Variants in HTT observed in about 807,000 individuals in gnomAD.
HTT encodes huntington disease protein.
HTT carries 104 observed loss-of-function variants against 362.3 expected under a neutral mutation model. The ratio of observed to expected loss-of-function variants is 0.29; its 90% CI spans 0.24 to 0.34. The LOEUF (loss-of-function observed/expected upper bound fraction) is 0.34, where lower values mean the gene tolerates loss of function less well. Ranked by LOEUF, HTT falls within the 10% of genes least tolerant of loss-of-function variation. The pLI is 1.00. For missense variants in HTT, 3,301 were observed against 3,928.6 expected (o/e 0.84, Z 4.27); for synonymous variants, 1,577 against 1,548.7 (o/e 1.02, Z -0.43).
intron 12 of HTT, chr4:3,128,761 CTG>C (rs1715642669): frequency 6.6e-6 from 1 of 152,168 alleles, no homozygotes; most frequent in South Asian, 2.1e-4. Flanking sequence ...GTTTTAAAAA[CTG>C]TGGTTAAATA....
In HTT at chr4:3,178,460, C is replaced by T. The variant is rs566051090; in HGVS notation, c.4612+14C>T. On this transcript the variant is annotated intron_variant, in intron 35 of 66. Transcript: ENST00000355072. ...CTGTGACACATGGTAACGGGACACA[C>T]CTTTCACTGTCGTCTTCGGTGTCGT... The T allele has an allele frequency of 5.4e-5, 87 of 1,611,196 alleles. No individual in the cohort carries two copies. Among genetic ancestry groups the T allele is most frequent in the Non-Finnish European group, 7.1e-5 (84 of 1,178,662 alleles).
At chr4:3,171,734 C>T (rs1717985046) in intron 29 of HTT, among the ~76,000 whole-genome samples, 1 of 152,170 alleles carries the variant, frequency 6.6e-6, no homozygotes. Flanking sequence ...GCCTCGATCT[C>T]CCAAAATGCT....
In HTT at chr4:3,074,875, T is replaced by A. The variant is rs1578474811; in HGVS notation, c.50T>A (p.Phe17Tyr). The A allele has an allele frequency of 7.8e-7, 1 of 1,287,824 alleles. No individual in the cohort carries two copies. The highest frequency in any genetic ancestry group is 1.0e-6 in the Non-Finnish European group (1 of 962,594). 79.8% of individuals were successfully genotyped at this position (1,287,824 alleles called of 1,614,324 possible). A position where few individuals can be genotyped will look rare whatever the true frequency, so the allele number is the denominator to read the frequency against. Residue 17 changes from phenylalanine (F) to tyrosine (Y), a missense_variant, in exon 1 of 67, where the codon TTC becomes TAC. Phe to Tyr is a conservative substitution (Grantham distance 22). Around this residue, in one of 4 missense-constraint regions of HTT, gnomAD observed 12 missense variants for 30.3 expected, o/e 0.40. Transcript: ENST00000355072. ...AAGGCCTTCGAGTCCCTCAAGTCCT[T>A]CCAGCAGCAGCAGCAGCAGCAGCAG... Reference protein sequence around the residue: ...LMKAFESLKSFQQQQQQQQQQ... With the variant: ...LMKAFESLKSYQQQQQQQQQQ...
At chr4:3,114,921 A>G (rs2110171104) in intron 6 of HTT, among the ~76,000 whole-genome samples, 1 of 152,280 alleles carries the variant, frequency 6.6e-6, no homozygotes, top group African/African-American at 2.4e-5. Context: ...TCTACAAGCC[A>G]TCTCTTAGGG....
intron 41 of HTT, among the ~76,000 whole-genome samples, chr4:3,202,588 A>G (rs968303344): frequency 2.6e-5 from 4 of 152,030 alleles, no homozygotes; most frequent in Non-Finnish European, 5.9e-5. Context: ...CCCCAACCAC[A>G]TCAAGATATA....
chr4:3,158,025 C>G (rs951944342), intron 28 of HTT, among the ~76,000 whole-genome samples: 137 of 149,230 alleles, frequency 9.2e-4, no homozygotes, highest in Middle Eastern at 6.9e-3. Context: ...CAGAGTCTTG[C>G]TCTGTCCCCA....
Position 3,107,175 on chromosome 4 carries a change from T to C in HTT, c.609-110T>C, listed in dbSNP as rs1294945231. 12 of 1,100,412 alleles carry C rather than the reference T, an allele frequency of 1.1e-5. No homozygotes were observed. In the East Asian group the frequency reaches 2.9e-4, roughly 26 times the overall value. The allele number at this position is 1,100,412 out of a possible 1,614,324, so 68.2% of individuals were successfully genotyped here. A position where few individuals can be genotyped will look rare whatever the true frequency, so the allele number is the denominator to read the frequency against. ...TTTCAGCTGAGTTTTCCCCATCCCA[T>C]TAGGGACTGTTGGAATATAAAACTG... On this transcript the variant is annotated intron_variant, in intron 5 of 66. Transcript: ENST00000355072.
chr4:3,173,356 AC>A, intron 31 of HTT: 1 of 549,080 alleles, frequency 1.8e-6, no homozygotes, highest in Non-Finnish European at 3.3e-6. Flanking sequence ...CTTGGGACTT[AC>A]ACATCTCAGA....
intron 2 of HTT, among the ~76,000 whole-genome samples, chr4:3,099,035 C>T (rs556502295): frequency 1.2e-3 from 188 of 152,178 alleles, no homozygotes; most frequent in Middle Eastern, 6.8e-3. Context: ...TTCATATACC[C>T]TACATCCAGT....
intron 21 of HTT, 142 bp from the exon 22 acceptor site, chr4:3,140,368 A>G (rs1485696459): frequency 3.1e-6 from 2 of 649,840 alleles, no homozygotes; most frequent in African/African-American, 1.8e-5. Context: ...TGCTTGAAGA[A>G]CGCCACCTGA....
chr4:3,116,005 C>G (rs747300367), intron 7 of HTT, 80 bp from the exon 8 acceptor site: 16 of 1,297,806 alleles, frequency 1.2e-5, no homozygotes, highest in Admixed American at 1.8e-5. Flanking sequence ...CTCTCAGGAT[C>G]TCTTCTTTTT....
intron 40 of HTT, among the ~76,000 whole-genome samples, chr4:3,190,999 G>T (rs955974173): frequency 6.6e-5 from 10 of 152,178 alleles, no homozygotes; most frequent in Admixed American, 2.6e-4. Flanking sequence ...TTGTTCAGCA[G>T]TTGATCTGTT....
intron 29 of HTT, among the ~76,000 whole-genome samples, chr4:3,166,303 G>A (rs543787220): frequency 6.6e-6 from 1 of 152,242 alleles, no homozygotes; most frequent in African/African-American, 2.4e-5. Flanking sequence ...CCCAGAGCAC[G>A]AAGGTGTCTG....
Position 3,230,000 on chromosome 4 carries a change from C to G in HTT, c.8223C>G (p.Tyr2741Ter). ...CAGAAGACGAGATCCTCGCTCAGTA[C>G]CTGGTGCCTGCCACCTGCAAGGCAG... Reference protein sequence around the residue: ...HPSEDEILAQYLVPATCKAAA... With the variant: ...HPSEDEILAQ Residue 2741 changes from tyrosine (Y) to a stop codon, truncating the protein, a stop_gained, in exon 60 of 67, where the codon TAC becomes TAG. Coordinates refer to ENST00000355072, the MANE Select transcript of HTT (RefSeq NM_001388492.1). LOFTEE classifies it high-confidence loss of function. The G allele has an allele frequency of 6.2e-7, 1 of 1,614,060 alleles. No homozygotes were observed.
intron 2 of HTT, among the ~76,000 whole-genome samples, chr4:3,096,202 A>G (rs1713848396): frequency 6.6e-6 from 1 of 152,250 alleles, no homozygotes; most frequent in South Asian, 2.1e-4. Flanking sequence ...ATGTTTATGC[A>G]CCGGACTACA....
intron 1 of HTT, among the ~76,000 whole-genome samples, chr4:3,078,834 A>T (rs750692349): frequency 2.6e-5 from 4 of 151,184 alleles, no homozygotes; most frequent in South Asian, 2.1e-4. Context: ...TCCCGAGTTC[A>T]CGCCATTCTC....
In HTT at chr4:3,220,274, C is replaced by G; in HGVS notation, c.7335C>G (p.Val2445=). The change falls in exon 53 of 67, where the codon GTC becomes GTG. Residue 2445 remains valine (V), a synonymous_variant. Transcript: ENST00000355072. Reference sequence around the variant, plus strand: ...TGGAGTTCCTCCAGGAAAAGGAAGTCTTTAAGGAGTTCATCTACCGCATCA... The same window carrying G: ...TGGAGTTCCTCCAGGAAAAGGAAGTGTTTAAGGAGTTCATCTACCGCATCA... ...IPVEFLQEKE[V]FKEFIYRINT... is the part of the protein sequence containing the mutation. The G allele has an allele frequency of 6.2e-7, 1 of 1,614,142 alleles. No homozygotes were observed. Among genetic ancestry groups the G allele is most frequent in the Non-Finnish European group, 8.5e-7 (1 of 1,180,010 alleles).
chr4:3,099,442 G>GA (rs770002231), intron 3 of HTT, 48 bp downstream of exon 3: 1 of 1,606,684 alleles, frequency 6.2e-7, no homozygotes, highest in Admixed American at 1.7e-5. Flanking sequence ...CATTGTTGTA[G>GA]GCTGAGAGAA....
intron 39 of HTT, chr4:3,188,730 A>G (rs1480118143): frequency 2.0e-6 from 1 of 501,106 alleles, no homozygotes; most frequent in African/African-American, 1.9e-5. Context: ...CAAAGCTTAA[A>G]AAAATGCTAC....
Sources: gnomAD v4.1 joint callset for allele counts (sites outside exome capture counted in the v4.1 genomes callset) on GRCh38, gnomAD v4.1.1 for gene constraint, gnomAD v4.1.1 regional missense constraint, MANE v1.5 for transcripts, NCBI Gene and HGNC (gene_info 2026-07-23, HGNC 2026-07-21) for gene names.